The following NOL9 variants were observed in gnomAD, a reference collection of about 807,000 sequenced individuals.
The protein encoded by NOL9 is nucleolar protein 9.
Under a neutral mutation model 67.9 loss-of-function variants are expected in NOL9, and 28 were observed. The observed-to-expected ratio is 0.41, with a 90% confidence interval of 0.31 to 0.57. The LOEUF (loss-of-function observed/expected upper bound fraction) is 0.57, where lower values mean the gene tolerates loss of function less well. Ranked by LOEUF, NOL9 falls within the 20% of genes least tolerant of loss-of-function variation. NOL9 has a pLI of 0.25. For missense variants in NOL9, 777 were observed against 897.0 expected (o/e 0.87, Z 1.71); for synonymous variants, 356 against 352.2 (o/e 1.01, Z -0.12).
chr1:6,548,866 G>C (rs1570083302), intron 3 of NOL9, among the ~76,000 whole-genome samples: 1 of 152,046 alleles, frequency 6.6e-6, no homozygotes, highest in African/African-American at 2.4e-5. Context: ...CAGATCACCT[G>C]AGGTCAGGAG....
Position 6,547,926 on chromosome 1 carries a change from T to A in NOL9, c.744+1645A>T, listed in dbSNP as rs568523676. The A allele has an allele frequency of 3.0e-5, 7 of 229,520 alleles. No homozygotes were observed. The South Asian group carries it at 3.7e-4, about 12-fold the overall frequency. The allele number at this position is 229,520 out of a possible 1,614,324, so 14.2% of individuals were successfully genotyped here. A position where few individuals can be genotyped will look rare whatever the true frequency, so the allele number is the denominator to read the frequency against. ...GAATGGTCCAGCATTTGACACACCG[T>A]CATAGGCTTTCCTACAATACATCAT... On this transcript the variant is annotated intron_variant, in intron 3 of 11. Coordinates refer to ENST00000377705, the MANE Select transcript of NOL9 (RefSeq NM_024654.5).
intron 5 of NOL9, among the ~76,000 whole-genome samples, chr1:6,543,430 C>T (rs1352546739): frequency 6.6e-6 from 1 of 152,080 alleles, no homozygotes; most frequent in Admixed American, 6.5e-5. Flanking sequence ...CTCCTGACCT[C>T]GTGATCTGCC....
rs1421975200 is a variant in NOL9, at chr1:6,526,859, A to C, written c.1826-30T>G. On this transcript the variant is annotated intron_variant, in intron 10 of 11. Coordinates refer to ENST00000377705, the MANE Select transcript of NOL9 (RefSeq NM_024654.5). Reference sequence around the variant, plus strand: ...AAGACACGCGCACAACACAAAAATCACCCTTTTGGAAAACATCAAACTTCT... The same window carrying C: ...AAGACACGCGCACAACACAAAAATCCCCCTTTTGGAAAACATCAAACTTCT... The C allele has an allele frequency of 3.9e-6, 6 of 1,538,960 alleles. No individual in the cohort carries two copies. In the East Asian group the frequency reaches 1.4e-4, roughly 35 times the overall value.
chr1:6,532,197 C>T (rs146910086), intron 8 of NOL9, 118 bp from the exon 9 acceptor site: 6 of 813,664 alleles, frequency 7.4e-6, no homozygotes, highest in African/African-American at 1.7e-5. Context: ...CACTGCCCCC[C>T]CTTGACGGAC....
At chr1:6,554,036 T>A (rs892562503) in intron 1 of NOL9, 71 bp downstream of exon 1, 49 of 1,315,120 alleles carry the variant, frequency 3.7e-5, no homozygotes, top group Non-Finnish European at 4.7e-5. Flanking sequence ...TCTCCTACCC[T>A]GCAGCTCTCC....
chr1:6,529,288 G>A (rs746589168), intron 9 of NOL9, 117 bp from the exon 10 acceptor site: 9 of 916,474 alleles, frequency 9.8e-6, no homozygotes, highest in Non-Finnish European at 1.2e-5. Flanking sequence ...CTACTCAAAA[G>A]TATCTCTAAA....
intron 6 of NOL9, among the ~76,000 whole-genome samples, chr1:6,540,042 G>C (rs1021113656): frequency 6.6e-6 from 1 of 151,928 alleles, no homozygotes; most frequent in Non-Finnish European, 1.5e-5. Flanking sequence ...CTGGAGTGCA[G>C]TGGTGAGATC....
At position 6,549,682 on chromosome 1, in the gene NOL9, C is replaced by T. The variant is rs377327891; in HGVS notation, c.633G>A (p.Ser211=). 9 of 1,614,010 alleles carry T rather than the reference C, an allele frequency of 5.6e-6. No homozygotes were observed. Among genetic ancestry groups the T allele is most frequent in the Non-Finnish European group, 7.6e-6 (9 of 1,179,960 alleles). The stretch of plus-strand genomic sequence containing the variant: ...AACACTGAGGAGAAAAATTCTGCAT[C>T]GACCAACGCCTGTCATCTGTAAAGA... The part of the protein sequence containing the change: ...SHLNLDDRRW[S]MQNFSPQCSI... Residue 211 remains serine, a synonymous_variant, in exon 3 of 12, where the codon TCG becomes TCA. Coordinates refer to ENST00000377705, the MANE Select transcript of NOL9 (RefSeq NM_024654.5).
At chr1:6,526,310 C>T (rs1195224943) in intron 11 of NOL9, among the ~76,000 whole-genome samples, 1 of 152,136 alleles carries the variant, frequency 6.6e-6, no homozygotes, top group South Asian at 2.1e-4. Context: ...GAATATCCCC[C>T]GTTCCCAGAG....
At chr1:6,542,754 G>A (rs1171486529) in intron 5 of NOL9, among the ~76,000 whole-genome samples, 3 of 151,630 alleles carry the variant, frequency 2.0e-5, no homozygotes, top group Admixed American at 6.6e-5. Context: ...ACCGTGCCCA[G>A]CTAATTTTTG....
At chr1:6,537,060 TG>T (rs1311679698) in intron 6 of NOL9, among the ~76,000 whole-genome samples, 1 of 151,716 alleles carries the variant, frequency 6.6e-6, no homozygotes, top group East Asian at 1.9e-4. Context: ...TATCACCCAA[TG>T]GAACAGCATA....
Position 6,541,847 on chromosome 1 carries a change from A to G in NOL9, c.1058T>C (p.Ile353Thr), listed in dbSNP as rs1475120526. The G allele has an allele frequency of 1.2e-6, 2 of 1,603,422 alleles. No homozygotes were observed. Among genetic ancestry groups the G allele is most frequent in the Non-Finnish European group, 1.7e-6 (2 of 1,174,414 alleles). Residue 353 changes from isoleucine (I) to threonine (T), a missense_variant, in exon 6 of 12, where the codon ATT becomes ACT. Physicochemically the swap from Ile to Thr is moderately conservative, Grantham distance 89. Around this residue, in one of 2 missense-constraint regions of NOL9, gnomAD observed 413 missense variants for 552.6 expected, o/e 0.75. Transcript: ENST00000377705. ...TPPGCISLLN[I>T]TEPVLGPPFT... ...ATACATACCCAGAACTGGTTCTGTA[A>G]TATTAAGCAAAGAAATGCAACCAGG...
intron 6 of NOL9, among the ~76,000 whole-genome samples, chr1:6,536,814 C>T (rs1040038909): frequency 6.6e-6 from 1 of 152,072 alleles, no homozygotes; most frequent in Non-Finnish European, 1.5e-5. Flanking sequence ...AAGACCCGGT[C>T]TCAATAAATA....
intron 10 of NOL9, 100 bp from the exon 11 acceptor site, chr1:6,526,929 A>G: frequency 7.1e-7 from 1 of 1,400,086 alleles, no homozygotes; most frequent in Admixed American, 2.4e-5. Context: ...AAGTCTTTAT[A>G]TCAACTCTGT....
intron 6 of NOL9, among the ~76,000 whole-genome samples, chr1:6,535,263 C>G (rs1363924232): frequency 6.6e-6 from 1 of 152,208 alleles, no homozygotes; most frequent in Non-Finnish European, 1.5e-5. Context: ...AGGCAACAAG[C>G]GTGCACAGTA....
At chr1:6,540,178 A>G (rs1397111125) in intron 6 of NOL9, among the ~76,000 whole-genome samples, 2 of 134,848 alleles carry the variant, frequency 1.5e-5, no homozygotes, top group Non-Finnish European at 3.0e-5. Context: ...GCTGGAGTGC[A>G]GTGGTGAGAG....
intron 6 of NOL9, among the ~76,000 whole-genome samples, chr1:6,538,262 TACAGA>T (rs1479465287): frequency 1.3e-5 from 2 of 152,210 alleles, no homozygotes; most frequent in African/African-American, 2.4e-5. Context: ...AAAAACAACC[TACAGA>T]ACAGGAGAAA....
At chr1:6,550,177 G>C (rs560003922) in intron 2 of NOL9, among the ~76,000 whole-genome samples, 2 of 152,034 alleles carry the variant, frequency 1.3e-5, no homozygotes, top group South Asian at 4.1e-4. Context: ...GACTACAGGC[G>C]CCTGCCACCA....
intron 5 of NOL9, among the ~76,000 whole-genome samples, chr1:6,544,544 C>CGCACGCACGCACGCACA (rs61278197): frequency 8.4e-5 from 10 of 118,666 alleles, no homozygotes; most frequent in African/African-American, 1.7e-4. Context: ...CACACACGCA[C>CGCACGCACGCACGCACA]CCCCCCCCCG....
Sources: allele counts gnomAD v4.1 joint callset (sites outside exome capture counted in the v4.1 genomes callset), GRCh38; gene constraint gnomAD v4.1.1; regional missense constraint gnomAD v4.1.1; transcripts MANE v1.5; gene names NCBI Gene and HGNC (gene_info 2026-07-23, HGNC 2026-07-21).